Variants in PLCL2 observed in about 807,000 individuals in gnomAD.
PLCL2 encodes phospholipase C like 2.
PLCL2 carries 4 observed loss-of-function variants against 79.6 expected under a neutral mutation model. The observed-to-expected ratio is 0.05, with a 90% CI of 0.02 to 0.11. PLCL2 has a LOEUF of 0.11. Ranked by LOEUF, PLCL2 falls within the 10% of genes least tolerant of loss-of-function variation. PLCL2 has a pLI of 1.00. For synonymous variants in PLCL2, 484 were observed against 457.7 expected, an observed-to-expected ratio of 1.06 and a Z score of -0.73; for missense variants, 895 against 1,291.0, an observed-to-expected ratio of 0.69 and a Z score of 4.70.
chr3:16,940,598 A>C (rs1559492366), intron 1 of PLCL2, among the ~76,000 whole-genome samples: 1 of 152,112 alleles, frequency 6.6e-6, no homozygotes, highest in African/African-American at 2.4e-5. Flanking sequence ...CATGCAATTT[A>C]CTCATGTCAC....
At chr3:17,060,214 G>A (rs2064936686) in intron 4 of PLCL2, among the ~76,000 whole-genome samples, 1 of 152,200 alleles carries the variant, frequency 6.6e-6, no homozygotes, top group Non-Finnish European at 1.5e-5. Flanking sequence ...GATCTACCCA[G>A]ATGGAAAGTG....
chr3:17,085,622 T>C (rs1382837676), intron 5 of PLCL2, among the ~76,000 whole-genome samples: 4 of 152,108 alleles, frequency 2.6e-5, no homozygotes, highest in Admixed American at 2.6e-4. Context: ...GCTAATTTTT[T>C]GTATTTTTAG....
intron 1 of PLCL2, among the ~76,000 whole-genome samples, chr3:16,939,246 GTCT>G (rs1422224470): frequency 6.6e-6 from 1 of 152,174 alleles, no homozygotes; most frequent in African/African-American, 2.4e-5. Context: ...CTAGTGTTTA[GTCT>G]TCTAGAGTTT....
chr3:17,017,123 C>A (rs2064393899), intron 3 of PLCL2, among the ~76,000 whole-genome samples: 1 of 152,150 alleles, frequency 6.6e-6, no homozygotes, highest in African/African-American at 2.4e-5. Flanking sequence ...TGGCTCATTG[C>A]TCCTTGGTTC....
chr3:16,911,845 A>G (rs34149515), intron 1 of PLCL2, among the ~76,000 whole-genome samples: 70,537 of 152,020 alleles, frequency 0.46, 16,413 homozygotes, highest in East Asian at 0.61. Context: ...CCAACATGAT[A>G]CCACAAGTGG....
intron 4 of PLCL2, among the ~76,000 whole-genome samples, chr3:17,048,758 C>T (rs189008597): frequency 5.9e-5 from 9 of 152,278 alleles, no homozygotes; most frequent in African/African-American, 1.7e-4. Flanking sequence ...TTTATCATTC[C>T]AGTAAGTTGC....
chr3:17,084,699 G>A (rs1159742665), intron 5 of PLCL2, among the ~76,000 whole-genome samples: 1 of 152,114 alleles, frequency 6.6e-6, no homozygotes, highest in East Asian at 1.9e-4. Context: ...ATCAGTAGAT[G>A]CAAAAAAAGT....
At chr3:16,888,770 C>G (rs1696280146) in intron 1 of PLCL2, among the ~76,000 whole-genome samples, 1 of 152,158 alleles carries the variant, frequency 6.6e-6, no homozygotes, top group Non-Finnish European at 1.5e-5. Context: ...CCTTAGATTT[C>G]TGTTTAAGTT....
intron 1 of PLCL2, among the ~76,000 whole-genome samples, chr3:16,897,700 C>T (rs532277803): frequency 1.3e-5 from 2 of 152,128 alleles, no homozygotes; most frequent in Non-Finnish European, 1.5e-5. Context: ...GTGCTCCGCC[C>T]GAGGGTGGGC....
intron 1 of PLCL2, among the ~76,000 whole-genome samples, chr3:16,941,310 A>C (rs560316505): frequency 6.6e-6 from 1 of 152,210 alleles, no homozygotes. Flanking sequence ...CCTCTTGACC[A>C]TTCTTTTTTC....
intron 3 of PLCL2, among the ~76,000 whole-genome samples, chr3:17,022,981 C>A (rs755213199): frequency 2.6e-5 from 4 of 152,150 alleles, no homozygotes; most frequent in Non-Finnish European, 4.4e-5. Context: ...TCTCTCTTTC[C>A]CCCTCTTCCT....
chr3:17,041,653 A>G (rs984587776), intron 3 of PLCL2, among the ~76,000 whole-genome samples: 1 of 152,210 alleles, frequency 6.6e-6, no homozygotes, highest in Non-Finnish European at 1.5e-5. Context: ...TATAAAGAAA[A>G]ATAAGGCAGG....
Position 17,028,166 on chromosome 3 carries a change from TAG to T in PLCL2, c.3018+13258_3018+13259del, listed in dbSNP as rs374257312. ...GCTGGGTGGAGAGAAGGGAATTGGG[TAG>T]AGTTAGTGAGCAGCTCTGCATCGTC... is the stretch of plus-strand genomic sequence containing the variant. On this transcript the variant is annotated intron_variant, in intron 3 of 5. Coordinates refer to ENST00000615277, the MANE Select transcript of PLCL2 (RefSeq NM_001144382.2). Among the ~76,000 whole-genome samples the T allele has an allele frequency of 5.9e-3, 891 of 152,248 alleles. 12 individuals carry two copies. The highest frequency in any genetic ancestry group is 0.021 in the African/African-American group (852 of 41,540).
At chr3:16,958,494 A>C (rs554423576) in intron 1 of PLCL2, among the ~76,000 whole-genome samples, 1 of 152,226 alleles carries the variant, frequency 6.6e-6, no homozygotes, top group Non-Finnish European at 1.5e-5. Context: ...TCCATCTGCT[A>C]TTTAACTTTG....
At chr3:16,910,387 T>G (rs1235350676) in intron 1 of PLCL2, among the ~76,000 whole-genome samples, 1 of 152,098 alleles carries the variant, frequency 6.6e-6, no homozygotes, top group Non-Finnish European at 1.5e-5. Flanking sequence ...CTCCCCTTAC[T>G]TCACCCGTCA....
At position 17,003,476 on chromosome 3, in the gene PLCL2, G is replaced by A. The variant is rs921396781; in HGVS notation, c.328-6198G>A. On this transcript the variant is annotated intron_variant, in intron 1 of 5. Transcript: ENST00000615277. ...CCTCAGCTCTCACCTGTGAATGCCT[G>A]TGTCAGAAAGGGGTCTCTTCCCATG... Among the ~76,000 whole-genome samples, 6 of 152,314 alleles carry A rather than the reference G, an allele frequency of 3.9e-5. No individual in the cohort carries two copies. In the South Asian group the frequency reaches 1.2e-3, roughly 32 times the overall value.
intron 1 of PLCL2, among the ~76,000 whole-genome samples, chr3:16,949,751 A>G (rs772831273): frequency 1.3e-5 from 2 of 152,128 alleles, no homozygotes; most frequent in Non-Finnish European, 2.9e-5. Context: ...CAAGTAATGT[A>G]GTCATTTCTG....
At chr3:16,959,834 T>C (rs1018724551) in intron 1 of PLCL2, among the ~76,000 whole-genome samples, 13 of 152,316 alleles carry the variant, frequency 8.5e-5, no homozygotes, top group Middle Eastern at 3.4e-3. Context: ...CACCGGGTGC[T>C]GTGGCTCATG....
chr3:16,960,478 C>T (rs151156769), intron 1 of PLCL2, among the ~76,000 whole-genome samples: 2 of 152,328 alleles, frequency 1.3e-5, no homozygotes, highest in East Asian at 3.9e-4. Context: ...GGACCTGACT[C>T]TCAGGGCCCT....
Sources: gnomAD v4.1 joint callset for allele counts (sites outside exome capture counted in the v4.1 genomes callset) on GRCh38, gnomAD v4.1.1 for gene constraint, MANE v1.5 for transcripts, NCBI Gene and HGNC (gene_info 2026-07-23, HGNC 2026-07-21) for gene names.